The following RASAL2 variants were observed in gnomAD, a reference collection of about 807,000 sequenced individuals.
RASAL2 encodes RAS protein activator like 2.
A neutral mutation model predicts 128.9 loss-of-function variants in RASAL2; 58 were observed. The observed-to-expected ratio is 0.45, with a 90% CI of 0.36 to 0.56. The LOEUF is 0.56. RASAL2 is among the 20% of genes least tolerant of loss of function. The pLI, the probability that RASAL2 is intolerant of heterozygous loss-of-function variation, is 0.00. For missense variants in RASAL2, 1,360 were observed against 1,601.6 expected (o/e 0.85, Z 2.57); for synonymous variants, 561 against 580.8 (o/e 0.97, Z 0.49).
At chr1:178,201,134 GGGAAT>G (rs1477134106) in intron 1 of RASAL2, among the ~76,000 whole-genome samples, 1 of 152,208 alleles carries the variant, frequency 6.6e-6, no homozygotes, top group Non-Finnish European at 1.5e-5. Flanking sequence ...GAACAGGCAT[GGGAAT>G]GGATATTAAG....
chr1:178,191,249 A>C (rs1662483393), intron 1 of RASAL2, among the ~76,000 whole-genome samples: 3 of 152,180 alleles, frequency 2.0e-5, no homozygotes, highest in South Asian at 2.1e-4. Context: ...AATTAGACGC[A>C]GTTAATAATA....
At chr1:178,302,833 A>G (rs1667825153) in intron 3 of RASAL2, among the ~76,000 whole-genome samples, 1 of 152,104 alleles carries the variant, frequency 6.6e-6, no homozygotes, top group Non-Finnish European at 1.5e-5. Context: ...CGAGGTCAGG[A>G]GTTCAAGACC....
chr1:178,313,605 C>G (rs1282089394), intron 3 of RASAL2, among the ~76,000 whole-genome samples: 1 of 152,084 alleles, frequency 6.6e-6, no homozygotes, highest in Non-Finnish European at 1.5e-5. Context: ...ATCCTCCCAC[C>G]TCAGCCTCCC....
chr1:178,347,198 C>T (rs1670196115), intron 3 of RASAL2, among the ~76,000 whole-genome samples: 1 of 152,112 alleles, frequency 6.6e-6, no homozygotes, highest in African/African-American at 2.4e-5. Context: ...GTGACTATTG[C>T]CATAAAGTGC....
intron 3 of RASAL2, among the ~76,000 whole-genome samples, chr1:178,313,061 G>A (rs113058184): frequency 9.2e-5 from 14 of 152,196 alleles, no homozygotes; most frequent in African/African-American, 3.1e-4. Context: ...AACCCTGGAA[G>A]TATGCCTTCA....
Position 178,445,723 on chromosome 1 carries a change from C to T in RASAL2, c.1627+61C>T, listed in dbSNP as rs1055036667. 13 of 1,485,848 alleles carry T rather than the reference C, an allele frequency of 8.7e-6. No homozygotes were observed. The South Asian group carries it at 1.5e-4, about 17-fold the overall frequency. The allele number at this position is 1,485,848 out of a possible 1,614,324, so 92.0% of individuals were successfully genotyped here. A position where few individuals can be genotyped will look rare whatever the true frequency, so the allele number is the denominator to read the frequency against. On this transcript the variant is annotated intron_variant, in intron 9 of 17. Coordinates refer to ENST00000367649, the MANE Select transcript of RASAL2 (RefSeq NM_170692.4). ...ACTTTTCAGTTTTAAGCTATTTCAC[C>T]CCCATGAGACGAATTGAGCTCAAAT...
chr1:178,199,625 A>C (rs1239157490), intron 1 of RASAL2, among the ~76,000 whole-genome samples: 1 of 152,258 alleles, frequency 6.6e-6, no homozygotes, highest in Non-Finnish European at 1.5e-5. Flanking sequence ...CTACAGGTAC[A>C]TACAACATTG....
intron 3 of RASAL2, among the ~76,000 whole-genome samples, chr1:178,307,039 A>G (rs1393716632): frequency 1.3e-5 from 2 of 151,960 alleles, no homozygotes; most frequent in African/African-American, 4.8e-5. Context: ...AAAAAGCACG[A>G]AAAAGATGTT....
chr1:178,477,474 G>A lies in RASAL2; in HGVS notation c.*4235G>A, dbSNP rs1289476719. On this transcript the variant is annotated 3_prime_UTR_variant, in exon 18 of 18. Coordinates refer to ENST00000367649, the MANE Select transcript of RASAL2 (RefSeq NM_170692.4). ...AGGACAAAAGTGATGAAATTTGCAT[G>A]AGATAGAATAAATATCTTAGGAGGA... The A allele has an allele frequency of 6.6e-6, 1 of 152,180 alleles. No homozygotes were observed. Among genetic ancestry groups the A allele is most frequent in the African/African-American group, 2.4e-5 (1 of 41,424 alleles). 9.4% of individuals were successfully genotyped at this position (152,180 alleles called of 1,614,324 possible). A position where few individuals can be genotyped will look rare whatever the true frequency, so the allele number is the denominator to read the frequency against.
At chr1:178,464,451 A>G (rs1479350702) in intron 15 of RASAL2, 39 bp downstream of exon 15, 1 of 1,604,604 alleles carries the variant, frequency 6.2e-7, no homozygotes, top group Admixed American at 1.7e-5. Context: ...CTGATCCCAA[A>G]ATGACAGGCC....
chr1:178,208,955 C>T (rs1029744904), intron 1 of RASAL2, among the ~76,000 whole-genome samples: 1 of 152,004 alleles, frequency 6.6e-6, no homozygotes, highest in Non-Finnish European at 1.5e-5. Context: ...GGGGCAGGTT[C>T]CTCTGATAAA....
chr1:178,125,250 T>C (rs1442081675), intron 1 of RASAL2: 2 of 152,198 alleles, frequency 1.3e-5, no homozygotes, highest in African/African-American at 4.8e-5. Flanking sequence ...GGAAATTGAA[T>C]TATCTGACTG....
chr1:178,106,279 A>G (rs1168180547), intron 1 of RASAL2, among the ~76,000 whole-genome samples: 3 of 152,210 alleles, frequency 2.0e-5, no homozygotes, highest in Admixed American at 2.0e-4. Flanking sequence ...GCTATAATCT[A>G]TATTTGCATG....
chr1:178,341,977 G>A (rs961489443), intron 3 of RASAL2, among the ~76,000 whole-genome samples: 1 of 152,150 alleles, frequency 6.6e-6, no homozygotes, highest in Non-Finnish European at 1.5e-5. Flanking sequence ...AACAGGTAAA[G>A]CTCATTTCTC....
intron 1 of RASAL2, among the ~76,000 whole-genome samples, chr1:178,159,174 A>T (rs895056314): frequency 3.3e-5 from 5 of 152,232 alleles, no homozygotes; most frequent in African/African-American, 1.2e-4. Flanking sequence ...TTTCAAACTT[A>T]ATTGTGCAAA....
At chr1:178,201,177 A>G (rs1293778840) in intron 1 of RASAL2, among the ~76,000 whole-genome samples, 1 of 152,220 alleles carries the variant, frequency 6.6e-6, no homozygotes, top group Non-Finnish European at 1.5e-5. Context: ...GATGGAACGT[A>G]GAGTTGGATC....
chr1:178,113,005 G>T (rs895512087), intron 1 of RASAL2, among the ~76,000 whole-genome samples: 1 of 151,950 alleles, frequency 6.6e-6, no homozygotes, highest in East Asian at 1.9e-4. Context: ...TATAGTTTTT[G>T]TCCTATCATC....
At chr1:178,325,954 G>T (rs1669020194) in intron 3 of RASAL2, among the ~76,000 whole-genome samples, 1 of 152,100 alleles carries the variant, frequency 6.6e-6, no homozygotes, top group Non-Finnish European at 1.5e-5. Flanking sequence ...AGCCAGGCAT[G>T]TTGGTGTGTG....
At position 178,295,548 on chromosome 1, in the gene RASAL2, A is replaced by G. The variant is rs895739066; in HGVS notation, c.331-4444A>G. Among the ~76,000 whole-genome samples, 6 of 151,874 alleles carry G rather than the reference A, an allele frequency of 4.0e-5. No homozygotes were observed. In the East Asian group the frequency reaches 1.2e-3, roughly 29 times the overall value. On this transcript the variant is annotated intron_variant, in intron 2 of 17. Coordinates refer to ENST00000367649, the MANE Select transcript of RASAL2 (RefSeq NM_170692.4). ...TGTCTGTTATACCTGACACTTTGAG[A>G]TGCTTATCCATGATAGGAAGGAGAG...
Sources: gnomAD v4.1 joint callset for allele counts (sites outside exome capture counted in the v4.1 genomes callset) on GRCh38, gnomAD v4.1.1 for gene constraint, MANE v1.5 for transcripts, NCBI Gene and HGNC (gene_info 2026-07-23, HGNC 2026-07-21) for gene names.